The following STMN4 variants were observed in gnomAD, a reference collection of about 807,000 sequenced individuals.
STMN4 encodes stathmin 4.
A neutral mutation model predicts 29.1 loss-of-function variants in STMN4; 12 were observed. The ratio of observed to expected loss-of-function variants is 0.41; its 90% CI spans 0.26 to 0.67. The LOEUF (loss-of-function observed/expected upper bound fraction) is 0.67. STMN4 is among the 30% of genes least tolerant of loss of function. STMN4 has a pLI of 0.30. For synonymous variants in STMN4, 114 were observed against 105.3 expected (o/e 1.08, Z -0.51); for missense variants, 181 against 262.8 (o/e 0.69, Z 2.15).
chr8:27,235,319 A>T lies in STMN4; in HGVS notation c.*1527T>A, dbSNP rs1296182961. The T allele has an allele frequency of 6.4e-6, 1 of 157,224 alleles. No homozygotes were observed. The highest frequency in any genetic ancestry group is 1.4e-5 in the Non-Finnish European group (1 of 70,862). 9.7% of individuals were successfully genotyped at this position (157,224 alleles called of 1,614,324 possible). On this transcript the variant is annotated 3_prime_UTR_variant, in exon 7 of 7. Transcript: ENST00000350889. ...TACAGTACCACTAGTGAGAAGAAAG[A>T]AAAAAAGGCTATACCAAAGGGTTTA...
At position 27,243,956 on chromosome 8, in the gene STMN4, A is replaced by G. The variant is rs150684827; in HGVS notation, c.-78-155T>C. Reference sequence around the variant, plus strand: ...CACCAACTCTCCCTGGGGGTCCCCTACCCCGACCTCCCTCCCACAATGATG... The same window carrying G: ...CACCAACTCTCCCTGGGGGTCCCCTGCCCCGACCTCCCTCCCACAATGATG... On this transcript the variant is annotated intron_variant, in intron 1 of 6. Transcript: ENST00000350889. Among the ~76,000 whole-genome samples, 475 of 152,132 alleles carry G rather than the reference A, an allele frequency of 3.1e-3. 4 individuals are homozygous for G. Among genetic ancestry groups the G allele is most frequent in the African/African-American group, 0.011 (446 of 41,504 alleles).
At chr8:27,241,427 G>A (rs1333337141) in intron 4 of STMN4, among the ~76,000 whole-genome samples, 165 bp from the exon 5 acceptor site, 1 of 152,206 alleles carries the variant, frequency 6.6e-6, no homozygotes. Context: ...AATGGCCTCT[G>A]ACGGGGCTGA....
rs1450655429 is a variant in STMN4, at chr8:27,239,878, C to T, written c.591+93G>A. ...TCCTGATTTTTGCCTGAGGCTGCTT[C>T]CTCCCTGAGATGATCAGCAGGTCCC... On this transcript the variant is annotated intron_variant, in intron 6 of 6. Coordinates refer to ENST00000350889, the MANE Select transcript of STMN4 (RefSeq NM_030795.4). 4 of 1,599,622 alleles carry T rather than the reference C, an allele frequency of 2.5e-6. No individual in the cohort carries two copies. In the South Asian group the frequency reaches 3.4e-5, roughly 13 times the overall value.
intron 1 of STMN4, among the ~76,000 whole-genome samples, chr8:27,252,964 C>T (rs1232737793): frequency 6.6e-6 from 1 of 152,218 alleles, no homozygotes; most frequent in Non-Finnish European, 1.5e-5. Context: ...AAAATGCACA[C>T]AACTGACCTA....
At position 27,236,817 on chromosome 8, in the gene STMN4, G is replaced by A. The variant is rs1292798682; in HGVS notation, c.*29C>T. ...GTGGAGCTGCTGGAGCTGTCCGGCT[G>A]ACCTGGAAAGTTCTTTGGCCTCTAG... On this transcript the variant is annotated 3_prime_UTR_variant, in exon 7 of 7. Transcript: ENST00000350889. 6.3e-7 allele frequency: 1 copy of A among 1,580,796 alleles called. No homozygotes were observed.
At chr8:27,251,078 C>T (rs1235598791) in intron 1 of STMN4, among the ~76,000 whole-genome samples, 3 of 152,158 alleles carry the variant, frequency 2.0e-5, no homozygotes, top group Admixed American at 2.0e-4. Flanking sequence ...GAAACCCCAT[C>T]TCTACTAAAA....
At position 27,243,435 on chromosome 8, in the gene STMN4, T is replaced by TA. The variant is rs144402939; in HGVS notation, c.13+275dup. On this transcript the variant is annotated intron_variant, in intron 2 of 6. Transcript: ENST00000350889. The stretch of plus-strand genomic sequence containing the variant: ...ATAATATATAGGCATCATAAAAACT[T>TA]AAAAAAAAACACACATATACAGATG... Among the ~76,000 whole-genome samples, 1,043 of 151,050 alleles carry TA rather than the reference T, an allele frequency of 6.9e-3. 36 individuals carry two copies. In the East Asian group the frequency reaches 0.083, roughly 12 times the overall value.
intron 5 of STMN4, among the ~76,000 whole-genome samples, chr8:27,240,550 TAAGGTGTA>T (rs1321345573): frequency 1.3e-5 from 2 of 152,190 alleles, no homozygotes; most frequent in African/African-American, 4.8e-5. Flanking sequence ...ACATATGCCC[TAAGGTGTA>T]GACAGGATGC....
intron 1 of STMN4, among the ~76,000 whole-genome samples, chr8:27,253,136 G>A (rs913222629): frequency 8.5e-5 from 13 of 152,214 alleles, no homozygotes; most frequent in Non-Finnish European, 5.9e-5. Context: ...TTCAGAGGAG[G>A]AGACAAGGAG....
At chr8:27,240,971 C>T in intron 5 of STMN4, 83 bp downstream of exon 5, 1 of 1,376,232 alleles carries the variant, frequency 7.3e-7, no homozygotes, top group Non-Finnish European at 9.9e-7. Flanking sequence ...TGAGCTTATC[C>T]CAGCTCAGGT....
chr8:27,248,498 C>T (rs1563419216), intron 1 of STMN4, among the ~76,000 whole-genome samples: 6 of 152,158 alleles, frequency 3.9e-5, no homozygotes, highest in Admixed American at 3.3e-4. Flanking sequence ...TTGCAGAGAC[C>T]TCTGGACCAG....
intron 1 of STMN4, among the ~76,000 whole-genome samples, chr8:27,247,347 T>A (rs752827504): frequency 3.3e-5 from 5 of 152,074 alleles, no homozygotes; most frequent in Admixed American, 2.0e-4. Flanking sequence ...ACATCATTTC[T>A]TTTGCACTCA....
At chr8:27,243,900 C>A in intron 1 of STMN4, 99 bp from the exon 2 acceptor site, 2 of 1,114,034 alleles carry the variant, frequency 1.8e-6, no homozygotes, top group Non-Finnish European at 2.6e-6. Flanking sequence ...CTCAGGGGTA[C>A]CTCATTTGCT....
Position 27,243,812 on chromosome 8 carries a change from G to T in STMN4, c.-78-11C>A, listed in dbSNP as rs565987465. On this transcript the variant is annotated splice_polypyrimidine_tract_variant and intron_variant, in intron 1 of 6. Transcript: ENST00000350889. ...GACGCTGTCACCAACCTGAGAAAAG[G>T]GGAGGACAGGATTTTACCATCGATG... 2.5e-6 allele frequency: 4 copies of T among 1,612,718 alleles called. No homozygotes were observed. In the East Asian group the frequency reaches 8.9e-5, roughly 36 times the overall value.
chr8:27,244,539 C>A (rs1031292214), intron 1 of STMN4, among the ~76,000 whole-genome samples: 1 of 151,914 alleles, frequency 6.6e-6, no homozygotes, highest in African/African-American at 2.4e-5. Context: ...GGGCTCCACA[C>A]CCCCAGCATT....
chr8:27,253,545 T>A (rs764773919), intron 1 of STMN4, among the ~76,000 whole-genome samples: 1 of 152,242 alleles, frequency 6.6e-6, no homozygotes, highest in Non-Finnish European at 1.5e-5. Context: ...ATGTGCATTA[T>A]GCAAAGCACT....
intron 6 of STMN4, chr8:27,239,516 TAGAG>T: frequency 1.4e-6 from 1 of 708,238 alleles, no homozygotes; most frequent in Admixed American, 3.0e-5. Flanking sequence ...TCAAGAGGTT[TAGAG>T]AGAATCATGT....
At chr8:27,250,923 A>AT (rs758764243) in intron 1 of STMN4, among the ~76,000 whole-genome samples, 17 of 152,160 alleles carry the variant, frequency 1.1e-4, no homozygotes, top group Non-Finnish European at 2.2e-4. Flanking sequence ...CAATGATGGG[A>AT]TTTTCTGGGC....
At chr8:27,249,356 A>G (rs1282524193) in intron 1 of STMN4, among the ~76,000 whole-genome samples, 1 of 152,204 alleles carries the variant, frequency 6.6e-6, no homozygotes, top group Non-Finnish European at 1.5e-5. Context: ...CGGGAACTAC[A>G]TGGGACTTTT....
Sources: gnomAD v4.1 joint callset for allele counts (sites outside exome capture counted in the v4.1 genomes callset) on GRCh38, gnomAD v4.1.1 for gene constraint, MANE v1.5 for transcripts, NCBI Gene and HGNC (gene_info 2026-07-23, HGNC 2026-07-21) for gene names.